Variants in PCDHA4 observed in about 807,000 individuals in gnomAD.
PCDHA4 encodes protocadherin alpha-4.
In PCDHA4, 49 loss-of-function variants were observed where a neutral mutation model predicts 61.4. The observed-to-expected ratio is 0.80, with a 90% CI of 0.63 to 1.01. The LOEUF (loss-of-function observed/expected upper bound fraction) is 1.01, where lower values mean the gene tolerates loss of function less well. Among genes scored for constraint, PCDHA4 ranks in the 50% least tolerant of loss-of-function variants. PCDHA4 has a pLI of 0.00. For synonymous variants in PCDHA4, 590 were observed against 550.3 expected (o/e 1.07, Z -1.01); for missense variants, 1,254 against 1,235.8 (o/e 1.01, Z -0.22).
chr5:140,808,014 A>G lies in PCDHA4; in HGVS notation c.827A>G (p.Asp276Gly). The change falls in exon 1 of 4, where the codon GAC becomes GGC. Residue 276 changes from aspartate to glycine, a missense_variant. Physicochemically the swap from Asp to Gly is moderately conservative, Grantham distance 94. Transcript: ENST00000530339. Reference protein sequence around the residue: ...ASDLDEGLNGDIVYSFSNDIS... With the variant: ...ASDLDEGLNGGIVYSFSNDIS... ...GATTTAGACGAAGGATTGAATGGGG[A>G]CATTGTTTATTCATTCTCAAATGAT... The G allele has an allele frequency of 6.2e-7, 1 of 1,613,822 alleles. No individual in the cohort carries two copies. The highest frequency in any genetic ancestry group is 8.5e-7 in the Non-Finnish European group (1 of 1,179,730).
intron 3 of PCDHA4, among the ~76,000 whole-genome samples, chr5:140,998,480 G>A (rs782244125): frequency 6.6e-6 from 1 of 151,974 alleles, no homozygotes; most frequent in Non-Finnish European, 1.5e-5. Context: ...CCACTGTGCT[G>A]TAACTCTTTG....
intron 1 of PCDHA4, among the ~76,000 whole-genome samples, chr5:140,959,419 A>G (rs1554224077): frequency 2.0e-5 from 3 of 152,150 alleles, no homozygotes; most frequent in Non-Finnish European, 4.4e-5. Context: ...TTGATCTGAG[A>G]ATTTGTGTAT....
rs113613111 is a variant in PCDHA4, at chr5:140,862,633, G to A, written c.2385+53061G>A. The A allele has an allele frequency of 2.9e-3, 1,533 of 537,306 alleles. 20 individuals are homozygous for A. The highest frequency in any genetic ancestry group is 0.024 in the African/African-American group (1,268 of 52,230). 33.3% of individuals were successfully genotyped at this position (537,306 alleles called of 1,614,324 possible). Reference sequence around the variant, plus strand: ...AGGTAACAACCCGCGGGGCTGCCACGACTTCACAGTGTCCGCGCGGGACCG... The same window carrying A: ...AGGTAACAACCCGCGGGGCTGCCACAACTTCACAGTGTCCGCGCGGGACCG... On this transcript the variant is annotated intron_variant, in intron 1 of 3. Transcript: ENST00000530339.
At chr5:140,821,850 A>G in intron 1 of PCDHA4, 5 of 1,614,180 alleles carry the variant, frequency 3.1e-6, no homozygotes, top group South Asian at 1.1e-5. Flanking sequence ...ACTGGAAGGC[A>G]GGGAGCGGCC....
chr5:140,890,702 A>G (rs552792120), intron 1 of PCDHA4, among the ~76,000 whole-genome samples: 1 of 152,318 alleles, frequency 6.6e-6, no homozygotes, highest in African/African-American at 2.4e-5. Flanking sequence ...GGGACCTTAC[A>G]TTTTTAAAAT....
intron 1 of PCDHA4, chr5:140,877,084 C>G: frequency 6.2e-7 from 1 of 1,613,176 alleles, no homozygotes; most frequent in Non-Finnish European, 8.5e-7. Flanking sequence ...GGTGAGCGCG[C>G]GCGACGCCGG....
Position 140,842,830 on chromosome 5 carries a change from G to C in PCDHA4, c.2385+33258G>C. On this transcript the variant is annotated intron_variant, in intron 1 of 3. Transcript: ENST00000530339. Reference sequence around the variant, plus strand: ...TGGAGCGGCGGGTGGGCGAGCGCTCGCTGTCGAGCTACATTTCGGTGCACA... The same window carrying C: ...TGGAGCGGCGGGTGGGCGAGCGCTCCCTGTCGAGCTACATTTCGGTGCACA... 2.4e-5 allele frequency: 39 copies of C among 1,593,780 alleles called. 3 individuals carry two copies. The highest frequency in any genetic ancestry group is 3.2e-5 in the Non-Finnish European group (37 of 1,165,316).
chr5:141,008,766 A>G (rs2098390228), intron 3 of PCDHA4, among the ~76,000 whole-genome samples: 1 of 152,246 alleles, frequency 6.6e-6, no homozygotes, highest in Non-Finnish European at 1.5e-5. Context: ...TTTGGCTTGG[A>G]AAGTAAAATT....
rs192969362 is a variant in PCDHA4 at position 140,893,205 on chromosome 5, T to C, written c.2385+83633T>C. On this transcript the variant is annotated intron_variant, in intron 1 of 3. Transcript: ENST00000530339. ...CTATTGTGAATAGTGCTGCAGTAAG[T>C]ATGGGAGGTGCAGGTATCACTTTGA... Among the ~76,000 whole-genome samples, 9 of 152,220 alleles carry C rather than the reference T, an allele frequency of 5.9e-5. No homozygotes were observed. The East Asian group carries it at 9.6e-4, about 16-fold the overall frequency.
At chr5:140,960,680 G>A (rs192174088) in intron 1 of PCDHA4, among the ~76,000 whole-genome samples, 2 of 152,162 alleles carry the variant, frequency 1.3e-5, no homozygotes, top group African/African-American at 4.8e-5. Context: ...AAACCTACTT[G>A]GGAATGAGGG....
intron 2 of PCDHA4, among the ~76,000 whole-genome samples, chr5:140,979,831 A>G (rs1401761792): frequency 5.3e-5 from 8 of 152,236 alleles, no homozygotes; most frequent in African/African-American, 1.9e-4. Context: ...TTAAAGAAGA[A>G]ATAATCTTCA....
At chr5:140,927,926 T>C (rs782407263) in intron 1 of PCDHA4, 2 of 1,614,212 alleles carry the variant, frequency 1.2e-6, no homozygotes, top group East Asian at 2.2e-5. Context: ...TTCCTGACTC[T>C]TTCGAACCCA....
At chr5:140,897,175 G>A (rs1293904744) in intron 1 of PCDHA4, among the ~76,000 whole-genome samples, 3 of 151,828 alleles carry the variant, frequency 2.0e-5, no homozygotes, top group Admixed American at 6.6e-5. Flanking sequence ...ATCTCCATGG[G>A]TTCAAAAAAT....
intron 1 of PCDHA4, chr5:140,836,684 A>T: frequency 6.2e-7 from 1 of 1,613,514 alleles, no homozygotes; most frequent in Non-Finnish European, 8.5e-7. Context: ...CACCCAAGAC[A>T]GACCTCATGG....
chr5:140,855,887 C>A, intron 1 of PCDHA4: 1 of 985,610 alleles, frequency 1.0e-6, no homozygotes, highest in Non-Finnish European at 1.5e-6. Flanking sequence ...CTTTTTAGAA[C>A]AAAGGCATCA....
intron 1 of PCDHA4, among the ~76,000 whole-genome samples, chr5:140,959,469 A>G (rs1180811354): frequency 5.3e-5 from 8 of 152,226 alleles, no homozygotes; most frequent in East Asian, 1.9e-4. Context: ...GTTGGCATCA[A>G]TCAAGGCATA....
intron 1 of PCDHA4, chr5:140,871,155 C>A (rs782509939): frequency 3.0e-5 from 48 of 1,613,366 alleles, no homozygotes; most frequent in Non-Finnish European, 3.9e-5. Context: ...CTTTGGCGGG[C>A]GCCGCGAGCC....
chr5:140,995,993 A>G (rs1017469411), intron 3 of PCDHA4, among the ~76,000 whole-genome samples: 16 of 152,226 alleles, frequency 1.1e-4, no homozygotes, highest in Non-Finnish European at 1.8e-4. Context: ...GCCACTCAAA[A>G]ATGTCGTCAG....
chr5:140,847,671 A>G (rs1178920203), intron 1 of PCDHA4: 1 of 149,902 alleles, frequency 6.7e-6, no homozygotes, highest in Admixed American at 6.7e-5. Flanking sequence ...TAAAGCTTGG[A>G]AAGAATCAAA....
Sources: allele counts gnomAD v4.1 joint callset (sites outside exome capture counted in the v4.1 genomes callset), GRCh38; gene constraint gnomAD v4.1.1; transcripts MANE v1.5; gene names NCBI Gene and HGNC (gene_info 2026-07-23, HGNC 2026-07-21).